Variants in PTER observed in about 807,000 individuals in gnomAD.
PTER encodes phosphotriesterase related.
In PTER, 38 loss-of-function variants were observed where a neutral mutation model predicts 29.6. The observed-to-expected ratio is 1.28, with a 90% CI of 0.99 to 1.68. The LOEUF (loss-of-function observed/expected upper bound fraction) is 1.68, where lower values mean the gene tolerates loss of function less well. Ranked by LOEUF, PTER falls within the 40% of genes most tolerant of loss-of-function variation. The pLI is 0.00. For synonymous variants in PTER, 172 were observed against 154.5 expected, an observed-to-expected ratio of 1.11 and a Z score of -0.84; for missense variants, 482 against 427.8, an observed-to-expected ratio of 1.13 and a Z score of -1.12.
chr10:16,484,374 T>TA lies in PTER; in HGVS notation c.-10dup. The TA allele has an allele frequency of 1.3e-6, 2 of 1,564,210 alleles. No homozygotes were observed. The highest frequency in any genetic ancestry group is 1.7e-6 in the Non-Finnish European group (2 of 1,160,910). ...CTCTTTTTAGAACATCTCTTGGTGG[T>TA]ACCATCAGAAATGTCTTCCTTAAGT... On this transcript the variant is annotated 5_prime_UTR_variant, in exon 2 of 5. Coordinates refer to ENST00000535784, the MANE Select transcript of PTER (RefSeq NM_001261836.2).
chr10:16,444,034 G>T (rs753646877), intron 1 of PTER, among the ~76,000 whole-genome samples: 1 of 144,820 alleles, frequency 6.9e-6, no homozygotes, highest in African/African-American at 2.6e-5. Context: ...ATGGAGTCTC[G>T]CTCTGTTGCC....
intron 1 of PTER, among the ~76,000 whole-genome samples, chr10:16,448,239 C>T (rs1301865465): frequency 6.6e-6 from 1 of 152,252 alleles, no homozygotes; most frequent in East Asian, 1.9e-4. Context: ...GCATCCCTGT[C>T]TGCCACTGAC....
chr10:16,468,517 G>A (rs1834926588), intron 1 of PTER, among the ~76,000 whole-genome samples: 1 of 151,778 alleles, frequency 6.6e-6, no homozygotes, highest in Admixed American at 6.6e-5. Flanking sequence ...TCCTTTGTGC[G>A]AGTCTCCTCA....
intron 3 of PTER, among the ~76,000 whole-genome samples, chr10:16,488,753 G>A (rs865875345): frequency 6.6e-6 from 1 of 152,004 alleles, no homozygotes; most frequent in African/African-American, 2.4e-5. Context: ...ACAGGCATGT[G>A]CCTCCACACC....
At chr10:16,453,125 A>C (rs1357579099) in intron 1 of PTER, among the ~76,000 whole-genome samples, 1 of 152,144 alleles carries the variant, frequency 6.6e-6, no homozygotes, top group African/African-American at 2.4e-5. Context: ...TGTGTTGCCC[A>C]GGCTGATCTT....
downstream of PTER, among the ~76,000 whole-genome samples, chr10:16,518,245 T>C (rs1192369427): frequency 6.6e-6 from 1 of 152,226 alleles, no homozygotes; most frequent in Non-Finnish European, 1.5e-5. Flanking sequence ...ACAAAATAGT[T>C]CTAATCTAGA....
chr10:16,446,644 A>G (rs1834022818), intron 1 of PTER, among the ~76,000 whole-genome samples: 1 of 152,154 alleles, frequency 6.6e-6, no homozygotes. Context: ...GCAGTTTCTT[A>G]GCATTAGAAA....
chr10:16,501,585 C>G (rs1480479783), intron 3 of PTER, among the ~76,000 whole-genome samples: 2 of 152,174 alleles, frequency 1.3e-5, no homozygotes, highest in Admixed American at 1.3e-4. Flanking sequence ...TTCTTCCCCC[C>G]ATACTACCCT....
At chr10:16,484,289 G>C in intron 1 of PTER, 48 bp from the exon 2 acceptor site, 1 of 1,224,228 alleles carries the variant, frequency 8.2e-7, no homozygotes, top group East Asian at 2.3e-5. Context: ...GTTTATGTGT[G>C]TGTTAAATAT....
rs759610362 is a variant in PTER at position 16,464,199 on chromosome 10, T to G, written c.-48-20138T>G. ...AGCTGAGGGTTTAATATAGTCAGAG[T>G]TTTATGAAGACACATCCATACAATA... is the stretch of plus-strand genomic sequence containing the variant. On this transcript the variant is annotated intron_variant, in intron 1 of 4. Transcript: ENST00000535784. Among the ~76,000 whole-genome samples the G allele has an allele frequency of 6.6e-5, 10 of 152,164 alleles. No individual in the cohort carries two copies. The East Asian group carries it at 1.7e-3, about 26-fold the overall frequency.
intron 1 of PTER, among the ~76,000 whole-genome samples, chr10:16,467,591 C>A (rs890442080): frequency 6.6e-6 from 1 of 152,152 alleles, no homozygotes; most frequent in Non-Finnish European, 1.5e-5. Flanking sequence ...GTGGGTGGAT[C>A]ACCTGAGGTC....
chr10:16,477,258 C>CAATA (rs375544990), intron 1 of PTER, among the ~76,000 whole-genome samples: 1 of 147,906 alleles, frequency 6.8e-6, no homozygotes, highest in African/African-American at 2.6e-5. Context: ...TTCTGTCTTT[C>CAATA]GATAGATAGA....
intron 1 of PTER, among the ~76,000 whole-genome samples, chr10:16,442,227 G>A (rs1272958723): frequency 6.6e-6 from 1 of 152,092 alleles, no homozygotes; most frequent in East Asian, 1.9e-4. Flanking sequence ...TTTGTTTGTT[G>A]ATTTTTAAAA....
At chr10:16,437,291 C>T (rs1188954918) in intron 1 of PTER, 2 of 151,576 alleles carry the variant, frequency 1.3e-5, no homozygotes, top group East Asian at 1.9e-4. Context: ...CAGCAATGCC[C>T]GGGGGCGTCA....
intron 1 of PTER, among the ~76,000 whole-genome samples, chr10:16,451,143 G>A (rs1173267338): frequency 6.6e-6 from 1 of 152,110 alleles, no homozygotes; most frequent in Non-Finnish European, 1.5e-5. Flanking sequence ...ATGTTTGAGG[G>A]TAGAAAGCCT....
intron 3 of PTER, among the ~76,000 whole-genome samples, chr10:16,501,373 A>ACACACG (rs1564408703): frequency 3.5e-5 from 5 of 143,836 alleles, no homozygotes; most frequent in African/African-American, 1.3e-4. Flanking sequence ...ACACACATGC[A>ACACACG]CACACACACA....
At chr10:16,457,637 T>C (rs1226782269) in intron 1 of PTER, among the ~76,000 whole-genome samples, 1 of 152,114 alleles carries the variant, frequency 6.6e-6, no homozygotes, top group African/African-American at 2.4e-5. Flanking sequence ...TCTCACTCTG[T>C]CACCCAGGCT....
intron 1 of PTER, among the ~76,000 whole-genome samples, chr10:16,453,225 A>AT (rs555797275): frequency 1.8e-4 from 28 of 152,000 alleles, no homozygotes; most frequent in South Asian, 4.1e-4. Context: ...CAGGTTATTG[A>AT]TTTTTTTTAA....
At position 16,486,559 on chromosome 10, in the gene PTER, C is replaced by G; in HGVS notation, c.640C>G (p.Arg214Gly). 1 of 1,613,878 alleles carries G rather than the reference C, an allele frequency of 6.2e-7. No homozygotes were observed. The change falls in exon 3 of 5, where the codon CGA becomes GGA. Residue 214 changes from arginine (R) to glycine (G), a missense_variant. By Grantham distance (125) the Arg-to-Gly change is moderately radical. Transcript: ENST00000535784. ...RSSRAPFQII[R>G]ILQEAGADIS... ...CTCCAGGGCACCATTTCAGATTATC[C>G]GAATATTGCAAGAAGCAGGCGCAGA...
Sources: gnomAD v4.1 joint callset for allele counts (sites outside exome capture counted in the v4.1 genomes callset) on GRCh38, gnomAD v4.1.1 for gene constraint, MANE v1.5 for transcripts, NCBI Gene and HGNC (gene_info 2026-07-23, HGNC 2026-07-21) for gene names.